The following DIP2C variants were observed in gnomAD, a reference collection of about 807,000 sequenced individuals.
The protein encoded by DIP2C is disco-interacting protein 2 homolog C.
Under a neutral mutation model 192.4 loss-of-function variants are expected in DIP2C, and 33 were observed. That is an observed-to-expected ratio of 0.17 (90% confidence interval 0.13 to 0.23). The LOEUF (loss-of-function observed/expected upper bound fraction) is 0.23, where lower values mean the gene tolerates loss of function less well. Ranked by LOEUF, DIP2C falls within the 10% of genes least tolerant of loss-of-function variation. DIP2C has a pLI of 1.00. For synonymous variants in DIP2C, 979 were observed against 864.1 expected (o/e 1.13, Z -2.33); for missense variants, 1,537 against 2,110.1 (o/e 0.73, Z 5.32).
intron 10 of DIP2C, among the ~76,000 whole-genome samples, chr10:395,155 AGGGAGGACATGG>A (rs1963887601): frequency 1.0e-4 from 5 of 49,968 alleles, no homozygotes; most frequent in African/African-American, 6.6e-4. Flanking sequence ...GATGGGGGGG[AGGGAGGACATGG>A]GGAGATGTTG....
At chr10:335,261 C>T (rs1054382034) in intron 29 of DIP2C, among the ~76,000 whole-genome samples, 4 of 152,164 alleles carry the variant, frequency 2.6e-5, no homozygotes, top group Non-Finnish European at 5.9e-5. Flanking sequence ...TGTACAAGTA[C>T]GTTTAAAATA....
chr10:616,778 G>A (rs927026581), intron 1 of DIP2C, among the ~76,000 whole-genome samples: 2 of 152,186 alleles, frequency 1.3e-5, no homozygotes, highest in Non-Finnish European at 2.9e-5. Context: ...CTAATGGGGT[G>A]CCTAGGAATC....
At chr10:529,473 C>T (rs1277265332) in intron 1 of DIP2C, among the ~76,000 whole-genome samples, 1 of 127,250 alleles carries the variant, frequency 7.9e-6, no homozygotes, top group Non-Finnish European at 1.8e-5. Context: ...TTAAAAGACA[C>T]AAAAGTTAGT....
intron 1 of DIP2C, among the ~76,000 whole-genome samples, chr10:521,925 T>G (rs562208369): frequency 6.6e-6 from 1 of 150,914 alleles, no homozygotes; most frequent in Non-Finnish European, 1.5e-5. Context: ...CAGACCCGCA[T>G]CAACACAGCA....
intron 29 of DIP2C, among the ~76,000 whole-genome samples, chr10:337,395 G>T (rs1219714907): frequency 7.3e-6 from 1 of 136,310 alleles, no homozygotes; most frequent in Non-Finnish European, 1.6e-5. Context: ...GTGTGTCGTG[G>T]AGGCCTACGT....
chr10:571,657 T>C (rs1473872487), intron 1 of DIP2C, among the ~76,000 whole-genome samples: 3 of 152,260 alleles, frequency 2.0e-5, no homozygotes, highest in African/African-American at 7.2e-5. Flanking sequence ...TTATTCTTAA[T>C]GAACAGAAAC....
intron 32 of DIP2C, 87 bp downstream of exon 32, chr10:309,944 C>T: frequency 1.5e-6 from 2 of 1,299,934 alleles, no homozygotes; most frequent in Non-Finnish European, 2.2e-6. Context: ...TCGTGTGCAC[C>T]TCTTCTTCTA....
chr10:437,845 A>G (rs1390700821), intron 4 of DIP2C: 1 of 152,242 alleles, frequency 6.6e-6, no homozygotes, highest in African/African-American at 2.4e-5. Context: ...ATAAACTTTA[A>G]GAATATTCTC....
chr10:391,989 C>T (rs1314048053), intron 10 of DIP2C, among the ~76,000 whole-genome samples: 1 of 152,180 alleles, frequency 6.6e-6, no homozygotes, highest in African/African-American at 2.4e-5. Context: ...TTTCATGGAG[C>T]AACAGCCAAA....
chr10:377,097 G>A (rs1247453658), intron 17 of DIP2C, among the ~76,000 whole-genome samples: 1 of 151,262 alleles, frequency 6.6e-6, no homozygotes, highest in Non-Finnish European at 1.5e-5. Flanking sequence ...AGCACGGAAA[G>A]TGAGCTGCCC....
At chr10:543,273 T>C (rs1183975246) in intron 1 of DIP2C, among the ~76,000 whole-genome samples, 1 of 152,248 alleles carries the variant, frequency 6.6e-6, no homozygotes, top group African/African-American at 2.4e-5. Context: ...TTTGTGCGCA[T>C]TTCCGGGCAA....
At chr10:502,610 A>G (rs1845314611) in intron 1 of DIP2C, among the ~76,000 whole-genome samples, 1 of 152,142 alleles carries the variant, frequency 6.6e-6, no homozygotes, top group African/African-American at 2.4e-5. Flanking sequence ...GGGATCTACA[A>G]AAGTCAGTCC....
At chr10:618,297 G>A (rs180902006) in intron 1 of DIP2C, among the ~76,000 whole-genome samples, 41 of 152,312 alleles carry the variant, frequency 2.7e-4, no homozygotes, top group African/African-American at 9.6e-4. Context: ...ATGACCAAAG[G>A]AAAACTGGGT....
intron 3 of DIP2C, among the ~76,000 whole-genome samples, chr10:461,062 G>T (rs1037817433): frequency 6.6e-6 from 1 of 152,130 alleles, no homozygotes; most frequent in African/African-American, 2.4e-5. Flanking sequence ...ACTAAATATG[G>T]AGACGAAAAA....
At chr10:282,407 C>A (rs187927166) in intron 35 of DIP2C, among the ~76,000 whole-genome samples, 5 of 152,224 alleles carry the variant, frequency 3.3e-5, no homozygotes, top group Admixed American at 2.0e-4. Context: ...CTGTATGATT[C>A]CTAAACATAG....
intron 1 of DIP2C, chr10:663,064 G>A (rs559734124): frequency 6.9e-5 from 43 of 619,616 alleles, no homozygotes; most frequent in East Asian, 4.5e-4. Context: ...GATGGTGACC[G>A]TGACCCAGTG....
At chr10:337,363 G>A (rs968874569) in intron 29 of DIP2C, among the ~76,000 whole-genome samples, 3 of 141,580 alleles carry the variant, frequency 2.1e-5, no homozygotes, top group Non-Finnish European at 4.6e-5. Context: ...CGTGTGTGTT[G>A]TGGAGGCCTA....
chr10:555,009 G>A (rs1848769004), intron 1 of DIP2C, among the ~76,000 whole-genome samples: 1 of 151,900 alleles, frequency 6.6e-6, no homozygotes, highest in African/African-American at 2.4e-5. Context: ...TATCACAAAG[G>A]GATTAGACTT....
intron 1 of DIP2C, 41 bp from the exon 2 acceptor site, chr10:486,571 G>T: frequency 6.5e-7 from 1 of 1,535,352 alleles, no homozygotes; most frequent in African/African-American, 1.4e-5. Context: ...GGTCTCCGTG[G>T]ATAGAGCATT....
Sources: gnomAD v4.1 joint callset for allele counts (sites outside exome capture counted in the v4.1 genomes callset) on GRCh38, gnomAD v4.1.1 for gene constraint, MANE v1.5 for transcripts, NCBI Gene and HGNC (gene_info 2026-07-23, HGNC 2026-07-21) for gene names.